SREK1: variants seen among roughly 807,000 people sequenced by gnomAD.
The protein encoded by SREK1 is splicing regulatory glutamic acid and lysine rich protein 1.
SREK1 carries 13 observed loss-of-function variants against 66.5 expected under a neutral mutation model. The observed-to-expected ratio is 0.20, with a 90% CI of 0.13 to 0.31. The LOEUF (loss-of-function observed/expected upper bound fraction) is 0.31. Among genes scored for constraint, SREK1 ranks in the 10% least tolerant of loss-of-function variants. SREK1 has a pLI of 1.00. For synonymous variants in SREK1, 265 were observed against 263.5 expected (o/e 1.01, Z -0.05); for missense variants, 607 against 769.6 (o/e 0.79, Z 2.50).
Position 66,159,615 on chromosome 5 carries a change from A to G in SREK1, c.411+281A>G, listed in dbSNP as rs1744568228. Among the ~76,000 whole-genome samples, 3 of 152,208 alleles carry G rather than the reference A, an allele frequency of 2.0e-5. No individual in the cohort carries two copies. The South Asian group carries it at 6.2e-4, about 32-fold the overall frequency. On this transcript the variant is annotated intron_variant, in intron 3 of 11. Coordinates refer to ENST00000334121, the MANE Select transcript of SREK1 (RefSeq NM_001077199.3). ...ATTAAAACTCAATATTTTAGATAGC[A>G]TAGAGGATCTAGGTAACTGTATTTC...
chr5:66,178,886 C>T lies in SREK1; in HGVS notation c.*18C>T, dbSNP rs779190142. Reference sequence around the variant, plus strand: ...CAGTATAGGACCGACAAGTGTACCTCTGCACTCAATGCTGGAATCAAATCC... The same window carrying T: ...CAGTATAGGACCGACAAGTGTACCTTTGCACTCAATGCTGGAATCAAATCC... On this transcript the variant is annotated 3_prime_UTR_variant, in exon 12 of 12. Coordinates refer to ENST00000334121, the MANE Select transcript of SREK1 (RefSeq NM_001077199.3). 2 of 1,573,782 alleles carry T rather than the reference C, an allele frequency of 1.3e-6. No homozygotes were observed. The highest frequency in any genetic ancestry group is 2.3e-5 in the East Asian group (1 of 44,322).
intron 6 of SREK1, chr5:66,164,435 T>C (rs1430052073): frequency 1.8e-6 from 1 of 556,514 alleles, no homozygotes; most frequent in East Asian, 6.3e-5. Context: ...TTTGAGCAGA[T>C]TTTCTAAATC....
chr5:66,183,547 T>TCTTTAAA lies in SREK1; in HGVS notation c.*4679_*4680insCTTTAAA, dbSNP rs1431084618. ...TAGGACTACTTTTAAATGGTACTAGTAAAGATTTATCAAACAATGCTGCTA... is the reference window on the plus strand; with the variant it reads ...TAGGACTACTTTTAAATGGTACTAGTCTTTAAAAAAGATTTATCAAACAATGCTGCTA... On this transcript the variant is annotated 3_prime_UTR_variant, in exon 12 of 12. Coordinates refer to ENST00000334121, the MANE Select transcript of SREK1 (RefSeq NM_001077199.3). 2.6e-5 allele frequency: 4 copies of TCTTTAAA among 152,210 alleles called. No individual in the cohort carries two copies. The highest frequency in any genetic ancestry group is 4.4e-5 in the Non-Finnish European group (3 of 68,026). 9.4% of individuals were successfully genotyped at this position (152,210 alleles called of 1,614,324 possible).
In SREK1 at chr5:66,170,031, T is replaced by TA; in HGVS notation, c.1002-18dup. On this transcript the variant is annotated intron_variant, in intron 7 of 11. Transcript: ENST00000334121. ...GATCGTAAATTAAGTTTTGATATTC[T>TA]AACAATTTTTTTTCTTTAGGAGTAG... The TA allele has an allele frequency of 6.7e-7, 1 of 1,498,624 alleles. No homozygotes were observed. Among genetic ancestry groups the TA allele is most frequent in the Non-Finnish European group, 8.9e-7 (1 of 1,121,196 alleles). 92.8% of individuals were successfully genotyped at this position (1,498,624 alleles called of 1,614,324 possible).
At chr5:66,164,345 A>G in intron 6 of SREK1, 1 of 326,046 alleles carries the variant, frequency 3.1e-6, no homozygotes, top group South Asian at 2.6e-5. Context: ...TAGTAAGGTA[A>G]AAGAACATCT....
In SREK1 at chr5:66,178,932, C is replaced by A. The variant is rs1429300222; in HGVS notation, c.*64C>A. ...AATCCAAAGCTTTTAATTCTCTCAACAAGATGTAAACAGGAAAGAAATCTA... is the reference window on the plus strand; with the variant it reads ...AATCCAAAGCTTTTAATTCTCTCAAAAAGATGTAAACAGGAAAGAAATCTA... On this transcript the variant is annotated 3_prime_UTR_variant, in exon 12 of 12. Coordinates refer to ENST00000334121, the MANE Select transcript of SREK1 (RefSeq NM_001077199.3). The A allele has an allele frequency of 4.1e-6, 6 of 1,451,250 alleles. No individual in the cohort carries two copies. The highest frequency in any genetic ancestry group is 3.7e-4 in the Middle Eastern group (2 of 5,420). The allele number at this position is 1,451,250 out of a possible 1,614,324, so 89.9% of individuals were successfully genotyped here.
At chr5:66,151,997 C>T (rs1401724529) in intron 1 of SREK1, among the ~76,000 whole-genome samples, 1 of 151,862 alleles carries the variant, frequency 6.6e-6, no homozygotes, top group Non-Finnish European at 1.5e-5. Flanking sequence ...AGGCGCCCGC[C>T]ACCACGCCTG....
chr5:66,163,970 C>A (rs1027461638), intron 6 of SREK1, 48 bp downstream of exon 6: 1 of 1,555,274 alleles, frequency 6.4e-7, no homozygotes, highest in South Asian at 1.2e-5. Flanking sequence ...AGATCATAGA[C>A]TCTTAGAACT....
At chr5:66,170,252 A>C in intron 8 of SREK1, 82 bp downstream of exon 8, 1 of 1,464,494 alleles carries the variant, frequency 6.8e-7, no homozygotes, top group South Asian at 1.5e-5. Flanking sequence ...AATTGGCTTC[A>C]TTTGTTAAAA....
intron 9 of SREK1, among the ~76,000 whole-genome samples, chr5:66,174,384 TAGG>T (rs746415732): frequency 5.3e-5 from 8 of 152,114 alleles, no homozygotes; most frequent in Admixed American, 1.3e-4. Context: ...AATGAAATGA[TAGG>T]AGGTTGGAGG....
At chr5:66,149,927 A>G (rs886661833) in intron 1 of SREK1, among the ~76,000 whole-genome samples, 1 of 152,258 alleles carries the variant, frequency 6.6e-6, no homozygotes, top group African/African-American at 2.4e-5. Context: ...GAAGGGTATC[A>G]GCAATCAAGA....
At position 66,163,083 on chromosome 5, in the gene SREK1, C is replaced by T. The variant is rs190533219; in HGVS notation, c.755+491C>T. The T allele has an allele frequency of 3.2e-3, 482 of 152,282 alleles. 1 individual carries two copies. Among genetic ancestry groups the T allele is most frequent in the Non-Finnish European group, 5.0e-3 (341 of 68,144 alleles). 9.4% of individuals were successfully genotyped at this position (152,282 alleles called of 1,614,324 possible). A position where few individuals can be genotyped will look rare whatever the true frequency, so the allele number is the denominator to read the frequency against. On this transcript the variant is annotated intron_variant, in intron 5 of 11. Coordinates refer to ENST00000334121, the MANE Select transcript of SREK1 (RefSeq NM_001077199.3). ...TTTGTAAAACGTTGATAATGGCCTT[C>T]GAGATACTCCAGACCAGAAATTCTA...
rs1276896518 is a variant in SREK1, at chr5:66,180,035, T to C, written c.*1167T>C. 1 of 152,564 alleles carries C rather than the reference T, an allele frequency of 6.6e-6. No homozygotes were observed. Among genetic ancestry groups the C allele is most frequent in the Non-Finnish European group, 1.5e-5 (1 of 67,984 alleles). The allele number at this position is 152,564 out of a possible 1,614,324, so 9.5% of individuals were successfully genotyped here. ...TTTCCTTAAATTGAAGAAAACCCTT[T>C]AGTTGTCTACATTGGATGGCCTTAT... On this transcript the variant is annotated 3_prime_UTR_variant, in exon 12 of 12. Transcript: ENST00000334121.
At chr5:66,156,263 T>C (rs1329348758) in intron 2 of SREK1, 28 of 1,308,318 alleles carry the variant, frequency 2.1e-5, no homozygotes, top group Non-Finnish European at 2.4e-5. Flanking sequence ...TGTCCCTTTT[T>C]TTGTTTTTGT....
intron 10 of SREK1, among the ~76,000 whole-genome samples, chr5:66,176,649 T>G (rs1746078843): frequency 6.6e-6 from 1 of 152,120 alleles, no homozygotes; most frequent in South Asian, 2.1e-4. Context: ...TATATCTTAT[T>G]AGGCCATCAT....
At chr5:66,162,770 T>G (rs1233404079) in intron 5 of SREK1, 178 bp downstream of exon 5, 3 of 548,428 alleles carry the variant, frequency 5.5e-6, no homozygotes, top group Non-Finnish European at 9.1e-6. Context: ...TAAATTCCTT[T>G]ATTTAGAGAC....
intron 1 of SREK1, among the ~76,000 whole-genome samples, chr5:66,150,722 A>G (rs1468608465): frequency 1.3e-5 from 2 of 152,242 alleles, no homozygotes; most frequent in Non-Finnish European, 2.9e-5. Context: ...ACAAATATTT[A>G]CAAGGTACTC....
chr5:66,173,505 T>C (rs1462066725), intron 9 of SREK1, among the ~76,000 whole-genome samples: 1 of 152,222 alleles, frequency 6.6e-6, no homozygotes, highest in East Asian at 1.9e-4. Flanking sequence ...AATATGATCC[T>C]GGTTGTATAG....
intron 5 of SREK1, 109 bp downstream of exon 5, chr5:66,162,701 A>G (rs1744866167): frequency 9.8e-7 from 1 of 1,020,764 alleles, no homozygotes; most frequent in African/African-American, 1.6e-5. Flanking sequence ...AATTTGTGGA[A>G]AGGAAGACTT....
Sources: gnomAD v4.1 joint callset for allele counts (sites outside exome capture counted in the v4.1 genomes callset) on GRCh38, gnomAD v4.1.1 for gene constraint, MANE v1.5 for transcripts, NCBI Gene and HGNC (gene_info 2026-07-23, HGNC 2026-07-21) for gene names.